The following WWOX variants were observed in gnomAD, a reference collection of about 807,000 sequenced individuals.
The protein encoded by WWOX is WW domain containing oxidoreductase.
A neutral mutation model predicts 46.2 loss-of-function variants in WWOX; 69 were observed. That is an observed-to-expected ratio of 1.49 (90% CI 1.23 to 1.82). WWOX has a LOEUF of 1.82. WWOX is among the 40% of genes most tolerant of loss of function. The pLI, the probability that WWOX is intolerant of heterozygous loss-of-function variation, is 0.00. For synonymous variants in WWOX, 359 were observed against 202.6 expected, an observed-to-expected ratio of 1.77 and a Z score of -6.56; for missense variants, 919 against 542.6, an observed-to-expected ratio of 1.69 and a Z score of -6.89.
At chr16:78,693,186 C>G (rs1037372711) in intron 8 of WWOX, among the ~76,000 whole-genome samples, 2 of 152,180 alleles carry the variant, frequency 1.3e-5, no homozygotes, top group African/African-American at 4.8e-5. Context: ...TCTTGTTCAA[C>G]TCAGATATTG....
intron 8 of WWOX, among the ~76,000 whole-genome samples, chr16:79,089,361 T>C (rs1041404342): frequency 1.9e-4 from 29 of 149,544 alleles, no homozygotes; most frequent in African/African-American, 6.9e-4. Context: ...AGGCAGAGTC[T>C]AGCTCTGTCG....
chr16:78,635,725 A>T (rs530125350), intron 8 of WWOX, among the ~76,000 whole-genome samples: 4 of 152,150 alleles, frequency 2.6e-5, no homozygotes, highest in African/African-American at 9.7e-5. Flanking sequence ...GTCCACATCA[A>T]TGTCGTCATC....
At position 78,395,083 on chromosome 16, in the gene WWOX, C is replaced by T. The variant is rs112607019; in HGVS notation, c.605+8135C>T. Among the ~76,000 whole-genome samples, 372 of 152,306 alleles carry T rather than the reference C, an allele frequency of 2.4e-3. 3 individuals carry two copies. Among genetic ancestry groups the T allele is most frequent in the African/African-American group, 8.7e-3 (362 of 41,564 alleles). ...GGCTATTGGTAATATGCATTTCTTT[C>T]TCATCTTGATCGTAAAATGATCTTA... On this transcript the variant is annotated intron_variant, in intron 6 of 8. Coordinates refer to ENST00000566780, the MANE Select transcript of WWOX (RefSeq NM_016373.4).
At chr16:78,640,335 C>T (rs925744373) in intron 8 of WWOX, among the ~76,000 whole-genome samples, 1 of 144,602 alleles carries the variant, frequency 6.9e-6, no homozygotes, top group Non-Finnish European at 1.5e-5. Flanking sequence ...TCTCTGACTT[C>T]CCTTGAAAAT....
At chr16:78,586,205 A>T (rs574553609) in intron 8 of WWOX, among the ~76,000 whole-genome samples, 7 of 152,246 alleles carry the variant, frequency 4.6e-5, no homozygotes, top group African/African-American at 1.7e-4. Context: ...GAAAAAAGAA[A>T]CATTTAATTA....
intron 8 of WWOX, among the ~76,000 whole-genome samples, chr16:78,811,721 C>A (rs1162324637): frequency 6.6e-6 from 1 of 151,982 alleles, no homozygotes; most frequent in Non-Finnish European, 1.5e-5. Flanking sequence ...GGGGACCCAT[C>A]CTCAAGACTT....
At chr16:78,381,937 C>G (rs565370470) in intron 5 of WWOX, among the ~76,000 whole-genome samples, 1 of 152,192 alleles carries the variant, frequency 6.6e-6, no homozygotes, top group Non-Finnish European at 1.5e-5. Context: ...ACGATCATGT[C>G]TCACGGCAGC....
At chr16:78,466,890 C>T (rs1330642136) in intron 8 of WWOX, among the ~76,000 whole-genome samples, 2 of 152,048 alleles carry the variant, frequency 1.3e-5, no homozygotes, top group African/African-American at 4.8e-5. Flanking sequence ...ATCTGTATCA[C>T]ACAGTTGCAA....
intron 5 of WWOX, among the ~76,000 whole-genome samples, chr16:78,191,933 C>G (rs1024325036): frequency 6.6e-6 from 1 of 152,098 alleles, no homozygotes; most frequent in Non-Finnish European, 1.5e-5. Context: ...AAGTATGACA[C>G]ACAGAGAACA....
chr16:78,879,887 A>AG (rs1555557150), intron 8 of WWOX, among the ~76,000 whole-genome samples: 96 of 151,784 alleles, frequency 6.3e-4, no homozygotes, highest in African/African-American at 2.2e-3. Context: ...CAAAAAAAAA[A>AG]AAGAAGAAGA....
chr16:78,273,217 A>G (rs906019090), intron 5 of WWOX, among the ~76,000 whole-genome samples: 20 of 152,096 alleles, frequency 1.3e-4, no homozygotes, highest in African/African-American at 3.4e-4. Flanking sequence ...AAGACCTTTA[A>G]TGATATCCTA....
At chr16:78,781,273 C>T (rs1162136867) in intron 8 of WWOX, among the ~76,000 whole-genome samples, 1 of 152,058 alleles carries the variant, frequency 6.6e-6, no homozygotes, top group African/African-American at 2.4e-5. Flanking sequence ...ATAAATAGAG[C>T]TATTTTGGAA....
chr16:78,456,204 T>C (rs1353538941), intron 8 of WWOX, among the ~76,000 whole-genome samples: 2 of 152,160 alleles, frequency 1.3e-5, no homozygotes, highest in East Asian at 1.9e-4. Context: ...GTTGTTTTTA[T>C]AGCAGCAACA....
chr16:78,381,610 C>G (rs1567538317), intron 5 of WWOX, among the ~76,000 whole-genome samples: 1 of 152,162 alleles, frequency 6.6e-6, no homozygotes, highest in Non-Finnish European at 1.5e-5. Context: ...TCTGTTTTGC[C>G]TGAGATAAGC....
intron 8 of WWOX, among the ~76,000 whole-genome samples, chr16:78,636,941 G>C (rs906796989): frequency 4.6e-5 from 7 of 152,178 alleles, no homozygotes; most frequent in Non-Finnish European, 7.3e-5. Context: ...GGTCATAGAG[G>C]GTGGTGTGGT....
At chr16:78,629,673 G>C (rs1396073897) in intron 8 of WWOX, among the ~76,000 whole-genome samples, 1 of 152,158 alleles carries the variant, frequency 6.6e-6, no homozygotes, top group Non-Finnish European at 1.5e-5. Flanking sequence ...ACAGGCTCTT[G>C]TCTCTGGCTA....
At chr16:78,774,531 T>C (rs28465026) in intron 8 of WWOX, among the ~76,000 whole-genome samples, 58,400 of 144,288 alleles carry the variant, frequency 0.4, 12,473 homozygotes, top group Middle Eastern at 0.56. Flanking sequence ...TGTGTGTGTG[T>C]GCGCGTGCGC....
intron 8 of WWOX, among the ~76,000 whole-genome samples, chr16:78,566,211 A>T (rs564805120): frequency 1.3e-5 from 2 of 152,098 alleles, no homozygotes; most frequent in Admixed American, 6.5e-5. Flanking sequence ...ATCTCATTTG[A>T]AATTAGTCAC....
intron 8 of WWOX, among the ~76,000 whole-genome samples, chr16:78,470,674 C>T (rs1273061730): frequency 6.6e-6 from 1 of 152,136 alleles, no homozygotes; most frequent in Non-Finnish European, 1.5e-5. Flanking sequence ...GGATTACAGG[C>T]ACGCCACCAC....
Sources: allele counts gnomAD v4.1 joint callset (sites outside exome capture counted in the v4.1 genomes callset), GRCh38; gene constraint gnomAD v4.1.1; transcripts MANE v1.5; gene names NCBI Gene and HGNC (gene_info 2026-07-23, HGNC 2026-07-21).